The following NRG1 variants were observed in gnomAD, a reference collection of about 807,000 sequenced individuals.
NRG1 encodes the protein pro-neuregulin-1, membrane-bound isoform.
Under a neutral mutation model 63.8 loss-of-function variants are expected in NRG1, and 18 were observed. The ratio of observed to expected loss-of-function variants is 0.28; its 90% CI spans 0.19 to 0.42. The LOEUF is 0.42. NRG1 is among the 10% of genes least tolerant of loss of function. The pLI is 1.00. For missense variants in NRG1, 762 were observed against 814.7 expected (o/e 0.94, Z 0.79); for synonymous variants, 302 against 301.3 (o/e 1.00, Z -0.02).
At chr8:32,489,590 T>C (rs1797413201) in intron 1 of NRG1, among the ~76,000 whole-genome samples, 1 of 152,092 alleles carries the variant, frequency 6.6e-6, no homozygotes, top group Admixed American at 6.6e-5. Flanking sequence ...GACTCCCAGC[T>C]TTCTTCCTGG....
intron 1 of NRG1, among the ~76,000 whole-genome samples, chr8:32,141,603 T>C (rs1484881127): frequency 2.2e-4 from 22 of 98,430 alleles, no homozygotes; most frequent in African/African-American, 8.3e-4. Flanking sequence ...TATATATATA[T>C]ATATATATAT....
At chr8:31,734,318 C>T (rs1185227420) in intron 1 of NRG1, among the ~76,000 whole-genome samples, 1 of 152,142 alleles carries the variant, frequency 6.6e-6, no homozygotes, top group African/African-American at 2.4e-5. Flanking sequence ...AGAGTAAGAC[C>T]TTTTCTTACA....
At chr8:32,556,686 T>A (rs1361730415) in intron 1 of NRG1, among the ~76,000 whole-genome samples, 1 of 152,244 alleles carries the variant, frequency 6.6e-6, no homozygotes, top group African/African-American at 2.4e-5. Context: ...CAGGTGAAAA[T>A]GCATCTCATT....
At chr8:31,729,932 T>A (rs1353251459) in intron 1 of NRG1, among the ~76,000 whole-genome samples, 1 of 152,136 alleles carries the variant, frequency 6.6e-6, no homozygotes, top group Non-Finnish European at 1.5e-5. Flanking sequence ...ATTCTTTCTC[T>A]AAGTGGGACC....
At chr8:32,548,757 G>C in exon 1 of NRG1, 1 of 1,590,432 alleles carries the variant, frequency 6.3e-7, no homozygotes, top group Non-Finnish European at 8.5e-7. Context: ...CAGAGGCAAA[G>C]GGAAGGGCAA....
chr8:32,321,851 A>AT (rs34220668), intron 1 of NRG1, among the ~76,000 whole-genome samples: 20,537 of 149,976 alleles, frequency 0.14, 2,039 homozygotes, highest in East Asian at 0.57. Flanking sequence ...TGTTTCTTTG[A>AT]TTTTTTTTTT....
chr8:31,900,755 C>A (rs1832009980), intron 1 of NRG1, among the ~76,000 whole-genome samples: 1 of 152,168 alleles, frequency 6.6e-6, no homozygotes, highest in African/African-American at 2.4e-5. Flanking sequence ...AGCAAGCTGA[C>A]CTACCAAGCT....
At chr8:31,800,021 C>A (rs944441473) in intron 1 of NRG1, among the ~76,000 whole-genome samples, 3 of 152,220 alleles carry the variant, frequency 2.0e-5, no homozygotes, top group African/African-American at 7.2e-5. Flanking sequence ...TGATGCAATT[C>A]TCTTGGAAAC....
intron 5 of NRG1, among the ~76,000 whole-genome samples, chr8:32,643,187 T>A (rs1852759124): frequency 1.3e-5 from 2 of 152,224 alleles, no homozygotes; most frequent in East Asian, 3.9e-4. Context: ...AGCATTTACT[T>A]CCTTATCCTC....
intron 1 of NRG1, among the ~76,000 whole-genome samples, chr8:31,939,446 A>G (rs559656073): frequency 4.2e-4 from 64 of 152,252 alleles, no homozygotes; most frequent in Non-Finnish European, 8.1e-4. Context: ...AAAATACACC[A>G]AAATAGAACC....
chr8:31,685,667 A>G (rs935066339), intron 1 of NRG1, among the ~76,000 whole-genome samples: 4 of 152,118 alleles, frequency 2.6e-5, no homozygotes, highest in African/African-American at 9.7e-5. Context: ...CCCATCCCCC[A>G]TGTAGTTCCA....
chr8:32,628,733 C>CTTT (rs66843732), intron 5 of NRG1, among the ~76,000 whole-genome samples: 17 of 138,156 alleles, frequency 1.2e-4, no homozygotes, highest in Admixed American at 2.9e-4. Flanking sequence ...ACTTTCTGCC[C>CTTT]TTTTTTTTTT....
At chr8:31,782,203 A>C (rs768849196) in intron 1 of NRG1, among the ~76,000 whole-genome samples, 10 of 152,102 alleles carry the variant, frequency 6.6e-5, no homozygotes, top group Non-Finnish European at 1.2e-4. Context: ...CTTCAGATGC[A>C]CTGAACATCT....
chr8:32,365,273 T>TC (rs1349921193), intron 1 of NRG1, among the ~76,000 whole-genome samples: 1 of 152,176 alleles, frequency 6.6e-6, no homozygotes, highest in Non-Finnish European at 1.5e-5. Flanking sequence ...TAGAGGGATT[T>TC]CTTTTTTTTA....
At chr8:31,826,463 T>G (rs550495510) in intron 1 of NRG1, among the ~76,000 whole-genome samples, 19 of 152,338 alleles carry the variant, frequency 1.2e-4, no homozygotes, top group African/African-American at 4.6e-4. Flanking sequence ...ATGTAAGACA[T>G]GCCTTTGCTC....
At chr8:32,653,123 G>GTT (rs150693577) in intron 5 of NRG1, among the ~76,000 whole-genome samples, 49 of 148,290 alleles carry the variant, frequency 3.3e-4, no homozygotes, top group South Asian at 1.1e-3. Context: ...TTCCTCTTTG[G>GTT]TTTTTTTTTG....
At chr8:31,851,000 T>A (rs912934206) in intron 1 of NRG1, among the ~76,000 whole-genome samples, 3 of 152,208 alleles carry the variant, frequency 2.0e-5, no homozygotes, top group Non-Finnish European at 2.9e-5. Context: ...GGCACTATAC[T>A]AACTTTGGTG....
chr8:31,705,918 T>C (rs932647577), intron 1 of NRG1, among the ~76,000 whole-genome samples: 18 of 152,330 alleles, frequency 1.2e-4, no homozygotes, highest in Non-Finnish European at 2.1e-4. Context: ...AATGGCCATG[T>C]GATGTTCAGT....
At position 32,756,314 on chromosome 8, in the gene NRG1, A is replaced by T. The variant is rs923536342; in HGVS notation, c.795-89A>T. On this transcript the variant is annotated intron_variant, in intron 8 of 11. Transcript: ENST00000356819. Reference sequence around the variant, plus strand: ...CATCACCAGTCTACTGCCTTGAACTACTCATAGGTGTTGGTAGAATAAAGA... The same window carrying T: ...CATCACCAGTCTACTGCCTTGAACTTCTCATAGGTGTTGGTAGAATAAAGA... The T allele has an allele frequency of 1.4e-5, 21 of 1,470,012 alleles. No individual in the cohort carries two copies. In the African/African-American group the frequency reaches 2.4e-4, roughly 17 times the overall value. 91.1% of individuals were successfully genotyped at this position (1,470,012 alleles called of 1,614,324 possible). A position where few individuals can be genotyped will look rare whatever the true frequency, so the allele number is the denominator to read the frequency against.
Sources: allele counts gnomAD v4.1 joint callset (sites outside exome capture counted in the v4.1 genomes callset), GRCh38; gene constraint gnomAD v4.1.1; transcripts MANE v1.5; gene names NCBI Gene and HGNC (gene_info 2026-07-23, HGNC 2026-07-21).